CHD6: variants seen among roughly 807,000 people sequenced by gnomAD.
CHD6 encodes chromodomain helicase DNA binding protein 6, also known as ATP-dependent chromatin remodeler CHD6.
CHD6 carries 50 observed loss-of-function variants against 276.9 expected under a neutral mutation model. The ratio of observed to expected loss-of-function variants is 0.18; its 90% CI spans 0.14 to 0.23. The LOEUF (loss-of-function observed/expected upper bound fraction) is 0.23, where lower values mean the gene tolerates loss of function less well. Ranked by LOEUF, CHD6 falls within the 10% of genes least tolerant of loss-of-function variation. The pLI is 1.00. For missense variants in CHD6, 2,564 were observed against 3,365.8 expected, an observed-to-expected ratio of 0.76 and a Z score of 5.89; for synonymous variants, 1,173 against 1,229.3, an observed-to-expected ratio of 0.95 and a Z score of 0.96.
chr20:41,439,135 A>C (rs574765107), intron 26 of CHD6, among the ~76,000 whole-genome samples: 6 of 152,166 alleles, frequency 3.9e-5, no homozygotes, highest in Non-Finnish European at 7.4e-5. Flanking sequence ...AGGTGGGTGG[A>C]TCACAAGGTC....
intron 24 of CHD6, among the ~76,000 whole-genome samples, chr20:41,447,304 T>C (rs1360277108): frequency 6.6e-6 from 1 of 152,218 alleles, no homozygotes; most frequent in Non-Finnish European, 1.5e-5. Flanking sequence ...AAACTGCACC[T>C]GGTGATCCCA....
chr20:41,473,352 A>T lies in CHD6; in HGVS notation c.2634T>A (p.Asp878Glu). Residue 878 changes from aspartate (D) to glutamate (E), a missense_variant, in exon 17 of 37, where the codon GAT becomes GAA. Around this residue, in one of 7 missense-constraint regions of CHD6, gnomAD observed 457 missense variants for 889.0 expected, o/e 0.51. Coordinates refer to ENST00000373233, the MANE Select transcript of CHD6 (RefSeq NM_032221.5). This position sits in a 1 kb window ranked among gnomAD's most constrained non-coding sequence, Gnocchi z 4.1. ...AGTCATTTTGTGGGTTCCAGTCAGAATCAAATATGATGCAGGTATCAGCAG... is the reference window on the plus strand; with the variant it reads ...AGTCATTTTGTGGGTTCCAGTCAGATTCAAATATGATGCAGGTATCAGCAG... ...LTAADTCIIFDSDWNPQNDLQ... is the reference protein window; with the variant it reads ...LTAADTCIIFESDWNPQNDLQ... 6.2e-7 allele frequency: 1 copy of T among 1,614,036 alleles called. No homozygotes were observed. The highest frequency in any genetic ancestry group is 2.2e-5 in the East Asian group (1 of 44,810).
At chr20:41,512,482 G>T (rs61522456) in intron 5 of CHD6, among the ~76,000 whole-genome samples, 1 of 151,436 alleles carries the variant, frequency 6.6e-6, no homozygotes, top group Non-Finnish European at 1.5e-5. Context: ...AACCAGTCAC[G>T]TAAAGCATCC....
intron 1 of CHD6, among the ~76,000 whole-genome samples, chr20:41,555,896 C>T (rs1435726697): frequency 6.6e-6 from 1 of 150,644 alleles, no homozygotes; most frequent in Non-Finnish European, 1.5e-5. Context: ...GAGGCCAAGG[C>T]AGGCGGCTGG....
intron 3 of CHD6, among the ~76,000 whole-genome samples, chr20:41,530,996 A>G (rs541256782): frequency 6.6e-6 from 1 of 152,330 alleles, no homozygotes; most frequent in East Asian, 1.9e-4. Flanking sequence ...CATTTATATA[A>G]CAAAGACTGT....
At chr20:41,423,751 G>A (rs372615345) in intron 29 of CHD6, 51 bp from the exon 30 acceptor site, 2 of 1,426,154 alleles carry the variant, frequency 1.4e-6, no homozygotes, top group African/African-American at 2.8e-5. Context: ...TTTTTTTAAA[G>A]CCAATAACTG....
At chr20:41,521,199 A>T (rs979349701) in intron 3 of CHD6, among the ~76,000 whole-genome samples, 1 of 152,262 alleles carries the variant, frequency 6.6e-6, no homozygotes, top group African/African-American at 2.4e-5. Flanking sequence ...TAAAACAAGT[A>T]GTATAACTAC....
At chr20:41,424,694 C>CTTAA (rs1401745771) in intron 29 of CHD6, among the ~76,000 whole-genome samples, 2 of 152,288 alleles carry the variant, frequency 1.3e-5, no homozygotes, top group South Asian at 4.2e-4. Flanking sequence ...TTCTGTAAGC[C>CTTAA]TTTTAGGGCT....
At chr20:41,604,982 C>A (rs1385876094) in intron 1 of CHD6, among the ~76,000 whole-genome samples, 1 of 152,108 alleles carries the variant, frequency 6.6e-6, no homozygotes, top group Non-Finnish European at 1.5e-5. Context: ...TTAAAAAGGA[C>A]TGCATATTGG....
chr20:41,599,730 C>T (rs1207357305), intron 1 of CHD6, among the ~76,000 whole-genome samples: 1 of 152,244 alleles, frequency 6.6e-6, no homozygotes, highest in African/African-American at 2.4e-5. Context: ...TCTCTGTACA[C>T]AGCCCTTCCT....
At chr20:41,558,840 C>T (rs1162999473) in intron 1 of CHD6, among the ~76,000 whole-genome samples, 2 of 152,080 alleles carry the variant, frequency 1.3e-5, no homozygotes, top group Non-Finnish European at 2.9e-5. Flanking sequence ...GAAAACAGCA[C>T]CCCCACCTCC....
At chr20:41,429,551 G>A (rs1473668290) in intron 27 of CHD6, among the ~76,000 whole-genome samples, 1 of 152,100 alleles carries the variant, frequency 6.6e-6, no homozygotes, top group Non-Finnish European at 1.5e-5. Flanking sequence ...GATATGATAT[G>A]ATATGGAAAA....
At chr20:41,445,118 A>C (rs2048024530) in intron 25 of CHD6, among the ~76,000 whole-genome samples, 1 of 152,178 alleles carries the variant, frequency 6.6e-6, no homozygotes, top group Non-Finnish European at 1.5e-5. Context: ...CAGTTTTTCC[A>C]AGTGTTTAAA....
At chr20:41,464,787 G>A (rs1047369702) in intron 17 of CHD6, among the ~76,000 whole-genome samples, 49 of 152,144 alleles carry the variant, frequency 3.2e-4, no homozygotes, top group African/African-American at 1.2e-3. Context: ...AAGAAAGCAA[G>A]GATCGTTGGA....
At chr20:41,484,720 T>C (rs560713240) in intron 14 of CHD6, 113 bp from the exon 15 acceptor site, 52 of 1,102,756 alleles carry the variant, frequency 4.7e-5, no homozygotes, top group African/African-American at 6.3e-5. Flanking sequence ...ACTGTGGTAG[T>C]AGACTAAAAG....
intron 2 of CHD6, among the ~76,000 whole-genome samples, chr20:41,536,614 A>C (rs1230111753): frequency 6.6e-6 from 1 of 152,248 alleles, no homozygotes; most frequent in Non-Finnish European, 1.5e-5. Context: ...CTTCTTCATC[A>C]GTTATAACCA....
intron 3 of CHD6, among the ~76,000 whole-genome samples, chr20:41,529,700 G>A (rs1239551886): frequency 6.6e-6 from 1 of 152,038 alleles, no homozygotes; most frequent in Admixed American, 6.6e-5. Context: ...GAGATTAATC[G>A]AGTTGGCCAG....
At chr20:41,491,919 C>T (rs1221161220) in intron 10 of CHD6, 100 bp from the exon 11 acceptor site, 2 of 1,359,936 alleles carry the variant, frequency 1.5e-6, no homozygotes, top group Non-Finnish European at 2.1e-6. Context: ...TGTCCCAAGG[C>T]TGGTTTCAAA....
At chr20:41,574,632 T>C (rs1034589846) in intron 1 of CHD6, among the ~76,000 whole-genome samples, 1 of 152,140 alleles carries the variant, frequency 6.6e-6, no homozygotes, top group Admixed American at 6.5e-5. Context: ...ATGCCAGCTA[T>C]CAGTGAGTCT....
Sources: gnomAD v4.1 joint callset for allele counts (sites outside exome capture counted in the v4.1 genomes callset) on GRCh38, gnomAD v4.1.1 for gene constraint, gnomAD v4.1.1 regional missense constraint, Gnocchi (gnomAD v3.1) non-coding constraint, MANE v1.5 for transcripts, NCBI Gene and HGNC (gene_info 2026-07-23, HGNC 2026-07-21) for gene names.